PLXNA2: variants seen among roughly 807,000 people sequenced by gnomAD.
PLXNA2 encodes the protein plexin A2.
Under a neutral mutation model 193.5 loss-of-function variants are expected in PLXNA2, and 91 were observed. That is an observed-to-expected ratio of 0.47 (90% CI 0.40 to 0.56). PLXNA2 has a LOEUF of 0.56. PLXNA2 is among the 20% of genes least tolerant of loss of function. PLXNA2 has a pLI of 0.00. For missense variants in PLXNA2, 1,995 were observed against 2,503.2 expected (o/e 0.80, Z 4.33); for synonymous variants, 997 against 1,027.3 (o/e 0.97, Z 0.56).
At chr1:208,182,935 T>C (rs1319279523) in intron 3 of PLXNA2, among the ~76,000 whole-genome samples, 1 of 152,136 alleles carries the variant, frequency 6.6e-6, no homozygotes, top group African/African-American at 2.4e-5. Context: ...CTTCTTCCCA[T>C]GTGGAATCAA....
intron 15 of PLXNA2, among the ~76,000 whole-genome samples, 183 bp from the exon 16 acceptor site, chr1:208,051,606 G>C (rs1374831354): frequency 6.6e-6 from 1 of 152,222 alleles, no homozygotes; most frequent in Non-Finnish European, 1.5e-5. Flanking sequence ...CAGTGGATTA[G>C]GGAGGCAGCA....
chr1:208,202,214 A>G (rs918785798), intron 3 of PLXNA2, among the ~76,000 whole-genome samples: 3 of 152,080 alleles, frequency 2.0e-5, no homozygotes, highest in African/African-American at 4.8e-5. Flanking sequence ...TCCTGACCTC[A>G]GGTGATCAGC....
chr1:208,054,623 CT>C, intron 13 of PLXNA2, 85 bp from the exon 14 acceptor site: 1 of 909,238 alleles, frequency 1.1e-6, no homozygotes, highest in Non-Finnish European at 1.8e-6. Flanking sequence ...TGGCAAATGA[CT>C]CATCACAGTC....
chr1:208,177,832 G>C (rs990743434), intron 3 of PLXNA2, among the ~76,000 whole-genome samples: 1 of 152,234 alleles, frequency 6.6e-6, no homozygotes, highest in East Asian at 1.9e-4. Flanking sequence ...CAGAAACTCT[G>C]GGGGTGGGAC....
chr1:208,146,433 G>T (rs1198182425), intron 3 of PLXNA2, among the ~76,000 whole-genome samples: 1 of 152,192 alleles, frequency 6.6e-6, no homozygotes, highest in Non-Finnish European at 1.5e-5. Context: ...TGGTGGAACT[G>T]GGGTTCAAAC....
At chr1:208,029,511 C>T (rs1021502270) in intron 29 of PLXNA2, 12 of 997,680 alleles carry the variant, frequency 1.2e-5, no homozygotes, top group African/African-American at 8.7e-5. Flanking sequence ...CTGCGCTCCC[C>T]GCCCAGCCCG....
chr1:208,210,879 T>A (rs567286251), intron 2 of PLXNA2, among the ~76,000 whole-genome samples: 12 of 152,312 alleles, frequency 7.9e-5, no homozygotes, highest in African/African-American at 2.9e-4. Flanking sequence ...ATTACAGGAT[T>A]TCTACCAGCC....
Position 208,152,036 on chromosome 1 carries a change from T to G in PLXNA2, c.1372-9573A>C, listed in dbSNP as rs969418524. ...GGAGAAAGGAGCAAAGGATGGGGTG[T>G]TTAAGAGGGTTATTACTCTCTTTAA... On this transcript the variant is annotated intron_variant, in intron 3 of 31. Coordinates refer to ENST00000367033, the MANE Select transcript of PLXNA2 (RefSeq NM_025179.4). Among the ~76,000 whole-genome samples the G allele has an allele frequency of 2.0e-5, 3 of 152,360 alleles. No individual in the cohort carries two copies. In the East Asian group the frequency reaches 5.8e-4, roughly 29 times the overall value.
At chr1:208,051,183 C>T (rs905976115) in intron 16 of PLXNA2, 73 bp downstream of exon 16, 1 of 1,594,300 alleles carries the variant, frequency 6.3e-7, no homozygotes, top group African/African-American at 1.3e-5. Flanking sequence ...GGATCCCTCT[C>T]ATGAGCCAGA....
intron 2 of PLXNA2, among the ~76,000 whole-genome samples, chr1:208,212,824 T>C (rs1448927557): frequency 1.3e-5 from 2 of 152,246 alleles, no homozygotes; most frequent in Non-Finnish European, 2.9e-5. Context: ...TACACGCAGC[T>C]ACTGCCCTGG....
chr1:208,033,720 G>A (rs576048203), intron 27 of PLXNA2, among the ~76,000 whole-genome samples: 130 of 152,298 alleles, frequency 8.5e-4, no homozygotes, highest in Admixed American at 1.2e-3. Context: ...TTTTAGAAAA[G>A]GATTTATAAA....
intron 3 of PLXNA2, among the ~76,000 whole-genome samples, chr1:208,200,278 G>A (rs1323882296): frequency 6.6e-6 from 1 of 152,206 alleles, no homozygotes; most frequent in Non-Finnish European, 1.5e-5. Flanking sequence ...GAAGGCCAGA[G>A]CTCCAGATTC....
intron 21 of PLXNA2, among the ~76,000 whole-genome samples, chr1:208,042,813 G>T (rs1035932697): frequency 6.6e-6 from 1 of 152,188 alleles, no homozygotes; most frequent in African/African-American, 2.4e-5. Flanking sequence ...CAGGATCTTA[G>T]TTAATTAGTT....
chr1:208,027,289 GC>G lies in PLXNA2; in HGVS notation c.5638del (p.Ala1880LeufsTer42). On this transcript the variant is annotated frameshift_variant, in exon 32 of 32. Coordinates refer to ENST00000367033, the MANE Select transcript of PLXNA2 (RefSeq NM_025179.4). LOFTEE classifies it high-confidence loss of function. ...ATTAATGAGCTGCTCCACCTTATAAGCCAGCCGCTGCCGCCGTGCCTGCTCA... is the reference window on the plus strand; with the variant it reads ...ATTAATGAGCTGCTCCACCTTATAAGCAGCCGCTGCCGCCGTGCCTGCTCA... ...QDEQARRQRL[A>X]YKVEQLINAM... 6.2e-7 allele frequency: 1 copy of G among 1,613,586 alleles called. No homozygotes were observed.
chr1:208,111,214 C>A (rs938762366), intron 4 of PLXNA2, among the ~76,000 whole-genome samples: 3 of 152,078 alleles, frequency 2.0e-5, no homozygotes, highest in African/African-American at 7.2e-5. Flanking sequence ...CCACACCTGG[C>A]TAATTAATTT....
intron 26 of PLXNA2, among the ~76,000 whole-genome samples, chr1:208,035,412 A>G (rs1007247827): frequency 2.0e-5 from 3 of 152,188 alleles, no homozygotes; most frequent in Admixed American, 2.0e-4. Context: ...CACTTCAAAT[A>G]GTTTCATCAA....
chr1:208,217,539 G>C lies in PLXNA2; in HGVS notation c.384C>G (p.Ala128=). The C allele has an allele frequency of 1.2e-6, 2 of 1,614,234 alleles. No homozygotes were observed. The highest frequency in any genetic ancestry group is 1.7e-6 in the Non-Finnish European group (2 of 1,180,048). Residue 128 remains alanine (A), a synonymous_variant, in exon 2 of 32, where the codon GCC becomes GCG. Transcript: ENST00000367033. The surrounding 1 kb of genome is among the most constrained non-coding windows in gnomAD (Gnocchi z 4.7). ...IIDYSENRLL[A]CGSLYQGVCK... ...AGACCCCCTGGTAGAGGCTCCCACAGGCCAGCAGGCGGTTCTCAGAGTAGT... is the reference window on the plus strand; with the variant it reads ...AGACCCCCTGGTAGAGGCTCCCACACGCCAGCAGGCGGTTCTCAGAGTAGT...
At chr1:208,192,191 C>T (rs1053641626) in intron 3 of PLXNA2, among the ~76,000 whole-genome samples, 9 of 152,218 alleles carry the variant, frequency 5.9e-5, no homozygotes, top group Admixed American at 5.2e-4. Context: ...TTTCCATCTG[C>T]TCTGATCCAT....
chr1:208,042,981 G>C (rs2102320163), intron 21 of PLXNA2, 80 bp downstream of exon 21: 1 of 1,423,952 alleles, frequency 7.0e-7, no homozygotes, highest in Middle Eastern at 2.5e-4. Context: ...ACTCAGTACT[G>C]CTGAGTCTCA....
Sources: gnomAD v4.1 joint callset for allele counts (sites outside exome capture counted in the v4.1 genomes callset) on GRCh38, gnomAD v4.1.1 for gene constraint, Gnocchi (gnomAD v3.1) non-coding constraint, MANE v1.5 for transcripts, NCBI Gene and HGNC (gene_info 2026-07-23, HGNC 2026-07-21) for gene names.